SEMA4D: variants seen among roughly 807,000 people sequenced by gnomAD.
SEMA4D encodes the protein semaphorin 4D.
A neutral mutation model predicts 74.8 loss-of-function variants in SEMA4D; 22 were observed. That is an observed-to-expected ratio of 0.29 (90% confidence interval 0.21 to 0.42). The LOEUF is 0.42. Ranked by LOEUF, SEMA4D falls within the 10% of genes least tolerant of loss-of-function variation. The probability of loss-of-function intolerance (pLI) is 1.00; values close to 1 mark genes in which losing one functional copy is unlikely to be tolerated. For synonymous variants in SEMA4D, 445 were observed against 463.7 expected (o/e 0.96, Z 0.52); for missense variants, 937 against 1,118.4 (o/e 0.84, Z 2.31).
At position 89,381,194 on chromosome 9, in the gene SEMA4D, G is replaced by A. The variant is rs753901869; in HGVS notation, c.1599C>T (p.His533=). The change falls in exon 14 of 16, where the codon CAC becomes CAT. Residue 533 remains histidine, a synonymous_variant. Transcript: ENST00000422704. This position sits in a 1 kb window ranked among gnomAD's most constrained non-coding sequence, Gnocchi z 4.6. ...CATACCTGCTGGGGCTCTCGGTCTG[G>A]TGCAGAGCCACGCAGGTCGCTGTGG... is the stretch of plus-strand genomic sequence containing the variant. The part of the protein sequence containing the change: ...SPPTATCVAL[H]QTESPSRGLI... The A allele has an allele frequency of 1.2e-6, 2 of 1,612,696 alleles. No homozygotes were observed. Among genetic ancestry groups the A allele is most frequent in the East Asian group, 2.2e-5 (1 of 44,838 alleles).
intron 2 of SEMA4D, among the ~76,000 whole-genome samples, chr9:89,454,415 GC>G (rs964751897): frequency 9.2e-5 from 14 of 151,836 alleles, no homozygotes; most frequent in Admixed American, 2.6e-4. Flanking sequence ...GACATGGTCA[GC>G]CCCCCCCAGA....
intron 2 of SEMA4D, among the ~76,000 whole-genome samples, chr9:89,432,326 T>C (rs1849455814): frequency 6.6e-6 from 1 of 152,206 alleles, no homozygotes; most frequent in African/African-American, 2.4e-5. Flanking sequence ...TAACCCTGAC[T>C]AAGCCTGGAG....
downstream of SEMA4D, chr9:89,376,990 C>T: frequency 2.6e-6 from 4 of 1,550,026 alleles, no homozygotes; most frequent in Admixed American, 2.0e-5. Context: ...TCCTGTCCCC[C>T]ACATGGCCCA....
intron 1 of SEMA4D, among the ~76,000 whole-genome samples, chr9:89,459,221 C>T (rs924631949): frequency 6.6e-6 from 1 of 152,014 alleles, no homozygotes; most frequent in African/African-American, 2.4e-5. Flanking sequence ...CTCTGGGCCC[C>T]AGTTGGAGCC....
In SEMA4D at chr9:89,388,617, C is replaced by A. The variant is rs759799440; in HGVS notation, c.1107+19G>T. ...GCCTTGAAGGGAAAGCACGGCCCGC[C>A]CCCAGTGCCCCAGCTCACCGCTCCA... On this transcript the variant is annotated intron_variant, in intron 11 of 15. Coordinates refer to ENST00000422704, the MANE Select transcript of SEMA4D (RefSeq NM_001371194.2). 2.6e-5 allele frequency: 42 copies of A among 1,587,216 alleles called. No individual in the cohort carries two copies. Among genetic ancestry groups the A allele is most frequent in the Non-Finnish European group, 3.4e-5 (40 of 1,175,350 alleles).
chr9:89,408,014 T>A (rs775104823), intron 2 of SEMA4D, among the ~76,000 whole-genome samples: 49 of 152,388 alleles, frequency 3.2e-4, no homozygotes, highest in Middle Eastern at 6.8e-3. Context: ...AGGCTCCCAA[T>A]GAAGAAGACT....
intron 2 of SEMA4D, among the ~76,000 whole-genome samples, chr9:89,448,894 G>A (rs1283759402): frequency 1.3e-5 from 2 of 152,222 alleles, no homozygotes; most frequent in Non-Finnish European, 2.9e-5. Flanking sequence ...AGCAAGTGAA[G>A]GTCAGGGCCT....
intron 13 of SEMA4D, among the ~76,000 whole-genome samples, chr9:89,382,571 C>T (rs3922885): frequency 0.34 from 52,385 of 152,010 alleles, 9,307 homozygotes; most frequent in Middle Eastern, 0.38. Flanking sequence ...CCTGGCCCGC[C>T]GCTGGCCTCA....
At chr9:89,411,515 T>C (rs569533195) in intron 2 of SEMA4D, among the ~76,000 whole-genome samples, 5 of 152,090 alleles carry the variant, frequency 3.3e-5, no homozygotes, top group African/African-American at 7.2e-5. Flanking sequence ...ATAGTGAAAA[T>C]AGTTGAAACT....
chr9:89,367,712 G>A (rs948784026), intron 16 of SEMA4D: 2 of 152,268 alleles, frequency 1.3e-5, no homozygotes, highest in Admixed American at 1.3e-4. Flanking sequence ...AGATGCCGTA[G>A]GTAATGATCT....
At chr9:89,383,038 C>T (rs899602185) in intron 13 of SEMA4D, among the ~76,000 whole-genome samples, 6 of 152,150 alleles carry the variant, frequency 3.9e-5, no homozygotes, top group East Asian at 1.9e-4. Flanking sequence ...AACTAAACGA[C>T]GCCACACAGA....
intron 2 of SEMA4D, 100 bp from the exon 3 acceptor site, chr9:89,405,799 G>A: frequency 7.7e-7 from 1 of 1,305,108 alleles, no homozygotes; most frequent in South Asian, 2.6e-5. Context: ...CCTCACCCGG[G>A]TCCATCTGCT....
intron 16 of SEMA4D, among the ~76,000 whole-genome samples, chr9:89,370,527 T>A (rs1025480409): frequency 3.3e-5 from 5 of 149,730 alleles, no homozygotes; most frequent in South Asian, 2.2e-4. Context: ...GCATGTGGTG[T>A]GTGTGGCATG....
At chr9:89,404,311 C>T (rs1303296388) in intron 3 of SEMA4D, among the ~76,000 whole-genome samples, 1 of 152,182 alleles carries the variant, frequency 6.6e-6, no homozygotes, top group African/African-American at 2.4e-5. Flanking sequence ...ACGCCGCGAA[C>T]ATTACTAGGT....
At chr9:89,449,096 G>T (rs940904621) in intron 2 of SEMA4D, among the ~76,000 whole-genome samples, 6 of 152,312 alleles carry the variant, frequency 3.9e-5, no homozygotes, top group East Asian at 3.9e-4. Context: ...CGGATAGCAC[G>T]GGGCCTTTTG....
chr9:89,467,322 T>G (rs1474115828), intron 1 of SEMA4D, among the ~76,000 whole-genome samples: 1 of 152,122 alleles, frequency 6.6e-6, no homozygotes. Context: ...CCGAGGTCCC[T>G]ATACCACAGC....
intron 1 of SEMA4D, among the ~76,000 whole-genome samples, chr9:89,483,539 C>T (rs776533845): frequency 9.2e-5 from 14 of 152,214 alleles, no homozygotes; most frequent in Non-Finnish European, 1.9e-4. Flanking sequence ...CACACATTGA[C>T]GTCACGCTAA....
intron 2 of SEMA4D, among the ~76,000 whole-genome samples, chr9:89,408,091 C>G (rs970792501): frequency 4.1e-4 from 62 of 152,246 alleles, no homozygotes; most frequent in African/African-American, 1.4e-3. Context: ...ATAATGGTGT[C>G]ACTTTTTGTT....
intron 1 of SEMA4D, among the ~76,000 whole-genome samples, chr9:89,482,544 A>G (rs1352815841): frequency 1.3e-5 from 2 of 152,210 alleles, no homozygotes; most frequent in African/African-American, 2.4e-5. Context: ...TGCCTCCTCC[A>G]GCAGCAAGGA....
Sources: gnomAD v4.1 joint callset for allele counts (sites outside exome capture counted in the v4.1 genomes callset) on GRCh38, gnomAD v4.1.1 for gene constraint, Gnocchi (gnomAD v3.1) non-coding constraint, MANE v1.5 for transcripts, NCBI Gene and HGNC (gene_info 2026-07-23, HGNC 2026-07-21) for gene names.